Variants in KCTD5 observed in about 807,000 individuals in gnomAD.
The protein encoded by KCTD5 is potassium channel tetramerization domain containing 5.
In KCTD5, 12 loss-of-function variants were observed where a neutral mutation model predicts 27.9. The observed-to-expected ratio is 0.43, with a 90% CI of 0.28 to 0.70. The LOEUF is 0.70. KCTD5 is among the 30% of genes least tolerant of loss of function. The probability of loss-of-function intolerance (pLI) is 0.19; values close to 1 mark genes in which losing one functional copy is unlikely to be tolerated. For missense variants in KCTD5, 226 were observed against 274.8 expected, an observed-to-expected ratio of 0.82 and a Z score of 1.26; for synonymous variants, 147 against 121.4, an observed-to-expected ratio of 1.21 and a Z score of -1.39.
intron 1 of KCTD5, among the ~76,000 whole-genome samples, chr16:2,690,749 G>C (rs1201411909): frequency 6.6e-6 from 1 of 152,240 alleles, no homozygotes; most frequent in Non-Finnish European, 1.5e-5. Flanking sequence ...AGGCGCCGCT[G>C]ATGGCCTTAC....
intron 1 of KCTD5, among the ~76,000 whole-genome samples, chr16:2,692,960 G>A (rs370977047): frequency 2.6e-5 from 4 of 152,272 alleles, no homozygotes; most frequent in South Asian, 2.1e-4. Context: ...TGCCTGCTCC[G>A]TGGAGCGGGA....
In KCTD5 at chr16:2,682,603, G is replaced by A; in HGVS notation, c.55G>A (p.Gly19Arg). 4.0e-6 allele frequency: 6 copies of A among 1,509,704 alleles called. No homozygotes were observed. Among genetic ancestry groups the A allele is most frequent in the Non-Finnish European group, 5.3e-6 (6 of 1,135,062 alleles). The allele number at this position is 1,509,704 out of a possible 1,614,324, so 93.5% of individuals were successfully genotyped here. The stretch of plus-strand genomic sequence containing the variant: ...GCCGGCCCGGGGCGGCATCGGGGCG[G>A]GGCTGGGGGGCGGCCTGTGCCGCCG... ...LSPARGGIGA[G>R]LGGGLCRRCS... Residue 19 changes from glycine (G) to arginine (R), a missense_variant, in exon 1 of 6, where the codon GGG (glycine) becomes AGG (arginine). This residue lies in a region of KCTD5 where 91 missense variants were observed against 67.8 expected (regional missense o/e 1.34). Coordinates refer to ENST00000301738, the MANE Select transcript of KCTD5 (RefSeq NM_018992.4).
At chr16:2,707,186 G>A (rs967225261) in intron 5 of KCTD5, 112 bp from the exon 6 acceptor site, 175 of 1,000,072 alleles carry the variant, frequency 1.7e-4, no homozygotes, top group Non-Finnish European at 2.4e-4. Flanking sequence ...CTGGGTTCCC[G>A]GGGCTCCCCG....
intron 3 of KCTD5, 117 bp from the exon 4 acceptor site, chr16:2,699,704 G>A (rs1043448686): frequency 1.1e-5 from 9 of 838,788 alleles, no homozygotes; most frequent in Non-Finnish European, 1.8e-5. Flanking sequence ...TGGGCCTCGT[G>A]CCCTGTGCTG....
chr16:2,704,497 C>G (rs2067626260), intron 5 of KCTD5, among the ~76,000 whole-genome samples: 6 of 152,244 alleles, frequency 3.9e-5, no homozygotes, highest in Admixed American at 3.9e-4. Flanking sequence ...CCACGCCAGT[C>G]CCTCAAGAAC....
intron 5 of KCTD5, among the ~76,000 whole-genome samples, chr16:2,705,712 G>A (rs573993326): frequency 6.6e-6 from 1 of 152,328 alleles, no homozygotes; most frequent in Admixed American, 6.5e-5. Context: ...ACAGCCTCAA[G>A]GGCCCCCTGG....
At chr16:2,689,525 C>T (rs2067555711) in intron 1 of KCTD5, among the ~76,000 whole-genome samples, 1 of 130,586 alleles carries the variant, frequency 7.7e-6, no homozygotes, top group Non-Finnish European at 1.6e-5. Context: ...GCACGTGTCT[C>T]CGAGCACCGG....
chr16:2,707,681 G>A lies in KCTD5; in HGVS notation c.*354G>A. 1 of 539,902 alleles carries A rather than the reference G, an allele frequency of 1.9e-6. No homozygotes were observed. Among genetic ancestry groups the A allele is most frequent in the Non-Finnish European group, 3.3e-6 (1 of 304,250 alleles). 33.4% of individuals were successfully genotyped at this position (539,902 alleles called of 1,614,324 possible). A position where few individuals can be genotyped will look rare whatever the true frequency, so the allele number is the denominator to read the frequency against. On this transcript the variant is annotated 3_prime_UTR_variant, in exon 6 of 6. Transcript: ENST00000301738. The stretch of plus-strand genomic sequence containing the variant: ...CGTTCTTGGTGCTACACACAGTCTG[G>A]AAAAGCAGCCTGGGCTTCACTGGCA...
intron 1 of KCTD5, chr16:2,684,756 C>T (rs1429871502): frequency 2.7e-5 from 4 of 149,654 alleles, no homozygotes; most frequent in African/African-American, 1.0e-4. Flanking sequence ...AAGAGCAAGA[C>T]TCCATCACAA....
chr16:2,699,391 G>A (rs2067601396), intron 3 of KCTD5: 6 of 359,016 alleles, frequency 1.7e-5, no homozygotes, highest in Non-Finnish European at 3.3e-5. Flanking sequence ...TGCCGCGCAA[G>A]TTCAAGAGCC....
intron 3 of KCTD5, 33 bp downstream of exon 3, chr16:2,698,030 T>G: frequency 1.3e-6 from 2 of 1,511,242 alleles, no homozygotes; most frequent in Non-Finnish European, 1.8e-6. Context: ...GAAGCTTGTA[T>G]GGCTGGTGTG....
At chr16:2,701,819 GC>G (rs2067613242) in intron 4 of KCTD5, among the ~76,000 whole-genome samples, 1 of 152,364 alleles carries the variant, frequency 6.6e-6, no homozygotes, top group African/African-American at 2.4e-5. Context: ...AGACAGGTTG[GC>G]CCTGGACCTG....
Position 2,708,066 on chromosome 16 carries a change from T to C in KCTD5, c.*739T>C, listed in dbSNP as rs1239543372. 3.9e-5 allele frequency: 6 copies of C among 152,950 alleles called. No individual in the cohort carries two copies. Among genetic ancestry groups the C allele is most frequent in the Admixed American group, 2.0e-4 (3 of 15,308 alleles). 9.5% of individuals were successfully genotyped at this position (152,950 alleles called of 1,614,324 possible). The stretch of plus-strand genomic sequence containing the variant: ...AGGGCTTGCCGCGTGGAGACTGATC[T>C]GTTCCATCCGTTAGCGCGAGGTAGC... On this transcript the variant is annotated 3_prime_UTR_variant, in exon 6 of 6. Coordinates refer to ENST00000301738, the MANE Select transcript of KCTD5 (RefSeq NM_018992.4).
chr16:2,697,459 C>T (rs1567194948), intron 2 of KCTD5, among the ~76,000 whole-genome samples: 1 of 152,228 alleles, frequency 6.6e-6, no homozygotes, highest in Non-Finnish European at 1.5e-5. Context: ...AGGCCTGAGC[C>T]CCACACAGCA....
At chr16:2,702,186 T>TG (rs1466358340) in intron 4 of KCTD5, among the ~76,000 whole-genome samples, 167 bp from the exon 5 acceptor site, 1 of 152,200 alleles carries the variant, frequency 6.6e-6, no homozygotes, top group African/African-American at 2.4e-5. Context: ...CCGCCCCGTG[T>TG]GCTCGTGCAG....
intron 4 of KCTD5, among the ~76,000 whole-genome samples, chr16:2,700,197 A>G (rs2067604956): frequency 6.6e-6 from 1 of 151,938 alleles, no homozygotes; most frequent in Non-Finnish European, 1.5e-5. Context: ...ATCATCTGGC[A>G]CCTCTGTGTG....
Position 2,707,636 on chromosome 16 carries a change from T to C in KCTD5, c.*309T>C. Reference sequence around the variant, plus strand: ...CACTCCCAGTCAGCCCGCTCGATCCTGAAGATCGTGTGAAGGAAGCGTTCT... The same window carrying C: ...CACTCCCAGTCAGCCCGCTCGATCCCGAAGATCGTGTGAAGGAAGCGTTCT... On this transcript the variant is annotated 3_prime_UTR_variant, in exon 6 of 6. Transcript: ENST00000301738. 1 of 596,944 alleles carries C rather than the reference T, an allele frequency of 1.7e-6. No homozygotes were observed. The highest frequency in any genetic ancestry group is 3.0e-5 in the Admixed American group (1 of 33,738). 37.0% of individuals were successfully genotyped at this position (596,944 alleles called of 1,614,324 possible).
intron 1 of KCTD5, among the ~76,000 whole-genome samples, chr16:2,687,181 G>A (rs1435384118): frequency 6.6e-6 from 1 of 152,200 alleles, no homozygotes; most frequent in Non-Finnish European, 1.5e-5. Context: ...TAGACCTTAG[G>A]CCACGAGTCA....
chr16:2,708,900 T>A lies in KCTD5; in HGVS notation c.*1573T>A, dbSNP rs887482283. 5.3e-5 allele frequency: 8 copies of A among 152,230 alleles called. No individual in the cohort carries two copies. The highest frequency in any genetic ancestry group is 1.9e-4 in the African/African-American group (8 of 41,456). 9.4% of individuals were successfully genotyped at this position (152,230 alleles called of 1,614,324 possible). On this transcript the variant is annotated 3_prime_UTR_variant, in exon 6 of 6. Coordinates refer to ENST00000301738, the MANE Select transcript of KCTD5 (RefSeq NM_018992.4). Reference sequence around the variant, plus strand: ...TTTTTTAATTTAAAGATATTAAGACTTAATTCACTAAAATTTATTCTAAGG... The same window carrying A: ...TTTTTTAATTTAAAGATATTAAGACATAATTCACTAAAATTTATTCTAAGG...
Sources: gnomAD v4.1 joint callset for allele counts (sites outside exome capture counted in the v4.1 genomes callset) on GRCh38, gnomAD v4.1.1 for gene constraint, gnomAD v4.1.1 regional missense constraint, MANE v1.5 for transcripts, NCBI Gene and HGNC (gene_info 2026-07-23, HGNC 2026-07-21) for gene names.